The following ARPC4 variants were observed in gnomAD, a reference collection of about 807,000 sequenced individuals.
ARPC4 encodes the protein actin related protein 2/3 complex subunit 4.
A neutral mutation model predicts 22.8 loss-of-function variants in ARPC4; 3 were observed. That is an observed-to-expected ratio of 0.13 (90% CI 0.06 to 0.34). The LOEUF is 0.34. Ranked by LOEUF, ARPC4 falls within the 10% of genes least tolerant of loss-of-function variation. The probability of loss-of-function intolerance (pLI) is 1.00; values close to 1 mark genes in which losing one functional copy is unlikely to be tolerated. For synonymous variants in ARPC4, 80 were observed against 72.5 expected, an observed-to-expected ratio of 1.10 and a Z score of -0.52; for missense variants, 98 against 211.0, an observed-to-expected ratio of 0.46 and a Z score of 3.32.
Position 9,803,904 on chromosome 3 carries a change from T to C in ARPC4, c.392T>C (p.Leu131Ser). 1 of 1,614,256 alleles carries C rather than the reference T, an allele frequency of 6.2e-7. No individual in the cohort carries two copies. Among genetic ancestry groups the C allele is most frequent in the Non-Finnish European group, 8.5e-7 (1 of 1,180,052 alleles). Residue 131 changes from leucine (L) to serine (S), a missense_variant, in exon 5 of 6, where the codon TTG becomes TCG. Coordinates refer to ENST00000397261, the MANE Select transcript of ARPC4 (RefSeq NM_005718.5). ...ACAGAGCAGATGTACAAACACAAGT[T>C]GGTGGACTTTGTGATCCACTTCATG... ...FHTEQMYKHKLVDFVIHFMEE... is the reference protein window; with the variant it reads ...FHTEQMYKHKSVDFVIHFMEE...
chr3:9,805,415 A>G (rs549172799), intron 5 of ARPC4, among the ~76,000 whole-genome samples: 1 of 152,340 alleles, frequency 6.6e-6, no homozygotes, highest in Admixed American at 6.5e-5. Flanking sequence ...AAAGTACCAT[A>G]GCCTTTGTCA....
In ARPC4 at chr3:9,803,075, G is replaced by A. The variant is rs1338024351; in HGVS notation, c.331-768G>A. 3.3e-5 allele frequency among the ~76,000 whole-genome samples: 5 copies of A among 151,934 alleles called. No homozygotes were observed. The East Asian group carries it at 7.8e-4, about 24-fold the overall frequency. On this transcript the variant is annotated intron_variant, in intron 4 of 5. Coordinates refer to ENST00000397261, the MANE Select transcript of ARPC4 (RefSeq NM_005718.5). ...ATTTTTTGTATTTTTAGTAGAGACG[G>A]GGTTTCACTGTGTTAGCCAGGATGG...
In ARPC4 at chr3:9,793,282, C is replaced by T; in HGVS notation, c.3+158C>T. On this transcript the variant is annotated intron_variant, in intron 1 of 5. Coordinates refer to ENST00000397261, the MANE Select transcript of ARPC4 (RefSeq NM_005718.5). ...GTGGGAAAAAGAGACGGGGCGGGGGCCCGAGGTGAGGAAGGGGCGAGTGGG... is the reference window on the plus strand; with the variant it reads ...GTGGGAAAAAGAGACGGGGCGGGGGTCCGAGGTGAGGAAGGGGCGAGTGGG... 2.9e-6 allele frequency: 4 copies of T among 1,364,986 alleles called. No individual in the cohort carries two copies. In the South Asian group the frequency reaches 4.5e-5, roughly 15 times the overall value. The allele number at this position is 1,364,986 out of a possible 1,614,324, so 84.6% of individuals were successfully genotyped here.
At chr3:9,800,337 C>G in intron 3 of ARPC4, 41 bp downstream of exon 3, 5 of 1,593,556 alleles carry the variant, frequency 3.1e-6, no homozygotes, top group Non-Finnish European at 4.3e-6. Context: ...AGGCCTCTTT[C>G]AGTCCTTTCA....
chr3:9,797,879 G>A (rs1174127939), intron 2 of ARPC4, 102 bp downstream of exon 2: 2 of 1,205,302 alleles, frequency 1.7e-6, no homozygotes, highest in African/African-American at 1.5e-5. Flanking sequence ...AGTCAGGAAA[G>A]CTGCAGTTGA....
intron 5 of ARPC4, 63 bp from the exon 6 acceptor site, chr3:9,806,147 T>C (rs949986210): frequency 2.5e-6 from 4 of 1,586,902 alleles, no homozygotes; most frequent in African/African-American, 1.3e-5. Flanking sequence ...TGCACCTCCT[T>C]AGAGCAGTGC....
intron 1 of ARPC4, among the ~76,000 whole-genome samples, chr3:9,795,496 G>T (rs1441422777): frequency 6.6e-6 from 1 of 152,030 alleles, no homozygotes; most frequent in African/African-American, 2.4e-5. Context: ...AGCTAAACTT[G>T]GTAGCCTGGC....
chr3:9,794,790 C>G (rs1393367053), intron 1 of ARPC4, among the ~76,000 whole-genome samples: 3 of 152,158 alleles, frequency 2.0e-5, no homozygotes, highest in East Asian at 3.9e-4. Flanking sequence ...CCTCTCCTTC[C>G]CACCCCAGAC....
chr3:9,793,233 G>A, intron 1 of ARPC4, 109 bp downstream of exon 1: 1 of 1,455,876 alleles, frequency 6.9e-7, no homozygotes, highest in Non-Finnish European at 9.1e-7. Flanking sequence ...AGGGATGTCC[G>A]GGGGTTGTGG....
intron 1 of ARPC4, 30 bp downstream of exon 1, chr3:9,793,154 C>G: frequency 1.3e-6 from 2 of 1,537,010 alleles, no homozygotes; most frequent in East Asian, 5.0e-5. Flanking sequence ...GGCCAGGGAC[C>G]CCCGGCTGTT....
At position 9,806,346 on chromosome 3, in the gene ARPC4, G is replaced by A; in HGVS notation, c.*131G>A. 1 of 1,031,470 alleles carries A rather than the reference G, an allele frequency of 9.7e-7. No individual in the cohort carries two copies. Among genetic ancestry groups the A allele is most frequent in the Non-Finnish European group, 1.5e-6 (1 of 653,104 alleles). 63.9% of individuals were successfully genotyped at this position (1,031,470 alleles called of 1,614,324 possible). A position where few individuals can be genotyped will look rare whatever the true frequency, so the allele number is the denominator to read the frequency against. ...TTGGGGTGGGCATTTGATGCGGGAG[G>A]TGGGTGGTGTGCTTGCTAGCTGGGC... is the stretch of plus-strand genomic sequence containing the variant. On this transcript the variant is annotated 3_prime_UTR_variant, in exon 6 of 6. Transcript: ENST00000397261.
At chr3:9,794,560 C>G (rs1234432540) in intron 1 of ARPC4, among the ~76,000 whole-genome samples, 1 of 152,102 alleles carries the variant, frequency 6.6e-6, no homozygotes, top group Non-Finnish European at 1.5e-5. Context: ...GTACCATCCG[C>G]TCAGGACACT....
At chr3:9,804,140 TG>T in intron 5 of ARPC4, 127 bp downstream of exon 5, 1 of 1,073,924 alleles carries the variant, frequency 9.3e-7, no homozygotes. Context: ...CTAGGACCCC[TG>T]GGGCACAGCA....
chr3:9,804,366 A>G (rs947468966), intron 5 of ARPC4, among the ~76,000 whole-genome samples: 2 of 152,202 alleles, frequency 1.3e-5, no homozygotes, highest in South Asian at 2.1e-4. Context: ...TTCTAGGAGT[A>G]TAGGACAATT....
chr3:9,803,439 T>A (rs151062045), intron 4 of ARPC4: 27 of 453,056 alleles, frequency 6.0e-5, no homozygotes, highest in Non-Finnish European at 3.1e-5. Context: ...AAAATTGATC[T>A]TCCTCCCACA....
intron 4 of ARPC4, among the ~76,000 whole-genome samples, chr3:9,802,162 T>A (rs1270608201): frequency 7.8e-6 from 1 of 127,510 alleles, no homozygotes; most frequent in Non-Finnish European, 1.6e-5. Flanking sequence ...TGGTTGAACC[T>A]GGGAGGCGGA....
At chr3:9,802,237 C>CAAAAAAAAAAAAAA (rs1159841703) in intron 4 of ARPC4, among the ~76,000 whole-genome samples, 1 of 50,282 alleles carries the variant, frequency 2.0e-5, no homozygotes, top group African/African-American at 7.9e-5. Flanking sequence ...GACTCCGTCT[C>CAAAAAAAAAAAAAA]AAAAAAAAAA....
intron 4 of ARPC4, among the ~76,000 whole-genome samples, chr3:9,803,050 ATTTTT>A (rs1213684362): frequency 1.3e-5 from 2 of 151,590 alleles, no homozygotes; most frequent in Non-Finnish European, 2.9e-5. Context: ...TTCCCGGCTA[ATTTTT>A]TGTATTTTTA....
chr3:9,799,555 G>A (rs574088442), intron 2 of ARPC4, among the ~76,000 whole-genome samples: 21 of 151,860 alleles, frequency 1.4e-4, no homozygotes, highest in Middle Eastern at 3.4e-3. Context: ...CAATTCTCGT[G>A]CTTCAGCCTC....
Sources: allele counts gnomAD v4.1 joint callset (sites outside exome capture counted in the v4.1 genomes callset), GRCh38; gene constraint gnomAD v4.1.1; transcripts MANE v1.5; gene names NCBI Gene and HGNC (gene_info 2026-07-23, HGNC 2026-07-21).